The following FRMD4A variants were observed in gnomAD, a reference collection of about 807,000 sequenced individuals.
The protein encoded by FRMD4A is FERM domain-containing protein 4A.
Under a neutral mutation model 129.1 loss-of-function variants are expected in FRMD4A, and 29 were observed. The ratio of observed to expected loss-of-function variants is 0.22; its 90% CI spans 0.17 to 0.31. FRMD4A has a LOEUF of 0.31. Among genes scored for constraint, FRMD4A ranks in the 10% least tolerant of loss-of-function variants. The pLI is 1.00. For missense variants in FRMD4A, 1,272 were observed against 1,375.8 expected, an observed-to-expected ratio of 0.92 and a Z score of 1.19; for synonymous variants, 634 against 571.6, an observed-to-expected ratio of 1.11 and a Z score of -1.56.
chr10:14,076,058 C>T (rs1037107193), intron 2 of FRMD4A, among the ~76,000 whole-genome samples: 6 of 152,114 alleles, frequency 3.9e-5, no homozygotes, highest in African/African-American at 1.2e-4. Context: ...GTTTTATTTC[C>T]GCTGCTCACC....
intron 2 of FRMD4A, among the ~76,000 whole-genome samples, chr10:13,963,144 T>C (rs2095457306): frequency 6.6e-6 from 1 of 152,146 alleles, no homozygotes; most frequent in South Asian, 2.1e-4. Context: ...TGCAAACACA[T>C]CTTCCTTTAC....
chr10:14,006,144 G>T (rs1464889002), intron 2 of FRMD4A, among the ~76,000 whole-genome samples: 5 of 152,156 alleles, frequency 3.3e-5, no homozygotes, highest in Non-Finnish European at 2.9e-5. Context: ...AGTGTTAGAT[G>T]TCCAGTGGAA....
chr10:14,300,154 T>A (rs1284056055), intron 2 of FRMD4A, among the ~76,000 whole-genome samples: 1 of 152,080 alleles, frequency 6.6e-6, no homozygotes, highest in African/African-American at 2.4e-5. Flanking sequence ...GTGGAATGTA[T>A]TTCCTTAGCA....
intron 15 of FRMD4A, chr10:13,693,374 G>A (rs762056209): frequency 2.0e-5 from 7 of 346,616 alleles, no homozygotes; most frequent in South Asian, 4.3e-5. Context: ...AGCGGACGAC[G>A]GAACCAGATC....
intron 5 of FRMD4A, among the ~76,000 whole-genome samples, chr10:13,791,450 T>C (rs890325932): frequency 1.1e-5 from 1 of 89,294 alleles, no homozygotes; most frequent in African/African-American, 3.3e-5. Context: ...CGGGTGGGTG[T>C]GTGTGTGAGA....
At chr10:13,788,605 C>A (rs981346049) in intron 5 of FRMD4A, among the ~76,000 whole-genome samples, 2 of 152,136 alleles carry the variant, frequency 1.3e-5, no homozygotes, top group Admixed American at 6.6e-5. Context: ...AGGACTGAAT[C>A]TTAGGGCATC....
intron 2 of FRMD4A, chr10:13,972,110 G>A (rs1588634258): frequency 1.8e-6 from 2 of 1,089,106 alleles, no homozygotes; most frequent in East Asian, 6.4e-5. Flanking sequence ...GCAGATAACG[G>A]CACATCCCTG....
intron 2 of FRMD4A, among the ~76,000 whole-genome samples, chr10:14,181,901 G>A (rs1841926957): frequency 6.6e-6 from 1 of 152,154 alleles, no homozygotes; most frequent in African/African-American, 2.4e-5. Context: ...ATATTGACCA[G>A]GCTGGTCTTG....
At chr10:13,699,765 C>T (rs2086624469) in intron 14 of FRMD4A, among the ~76,000 whole-genome samples, 1 of 152,110 alleles carries the variant, frequency 6.6e-6, no homozygotes, top group African/African-American at 2.4e-5. Context: ...CCAACTGTTG[C>T]CCCTGGACAG....
chr10:13,691,601 C>A (rs917664221), intron 15 of FRMD4A, among the ~76,000 whole-genome samples: 6 of 152,146 alleles, frequency 3.9e-5, no homozygotes, highest in Admixed American at 3.9e-4. Flanking sequence ...GGTGTAAATT[C>A]TCAGGCTCTC....
intron 2 of FRMD4A, among the ~76,000 whole-genome samples, chr10:14,099,976 C>G (rs1345227853): frequency 1.3e-5 from 2 of 152,154 alleles, no homozygotes; most frequent in Non-Finnish European, 2.9e-5. Flanking sequence ...CCCTGTCTGT[C>G]TCTTTCCTCA....
At chr10:14,132,621 C>T (rs762398807) in intron 2 of FRMD4A, among the ~76,000 whole-genome samples, 1 of 152,208 alleles carries the variant, frequency 6.6e-6, no homozygotes, top group Non-Finnish European at 1.5e-5. Flanking sequence ...GGAGTATTCC[C>T]CACCACCTCC....
intron 2 of FRMD4A, among the ~76,000 whole-genome samples, chr10:14,162,643 T>TG (rs200022133): frequency 2.5e-4 from 21 of 82,490 alleles, no homozygotes; most frequent in African/African-American, 1.1e-3. Context: ...TTTTTTTTGT[T>TG]TTTTTTTTTT....
intron 3 of FRMD4A, among the ~76,000 whole-genome samples, chr10:13,818,068 A>ATT (rs1289828234): frequency 6.6e-6 from 1 of 152,232 alleles, no homozygotes; most frequent in Non-Finnish European, 1.5e-5. Context: ...TCTTAGACAA[A>ATT]TTACGCAAGC....
intron 2 of FRMD4A, among the ~76,000 whole-genome samples, chr10:14,313,117 C>T (rs886711665): frequency 4.6e-5 from 7 of 151,956 alleles, no homozygotes; most frequent in Admixed American, 1.3e-4. Context: ...TTTTGGGAGG[C>T]TGACATGGTA....
intron 2 of FRMD4A, among the ~76,000 whole-genome samples, chr10:13,859,854 A>G (rs2094269196): frequency 6.6e-6 from 1 of 152,212 alleles, no homozygotes; most frequent in African/African-American, 2.4e-5. Flanking sequence ...GAAATCTCTG[A>G]GTGGTATAAC....
chr10:14,229,056 C>A (rs1843546110), intron 2 of FRMD4A, among the ~76,000 whole-genome samples: 1 of 151,908 alleles, frequency 6.6e-6, no homozygotes, highest in Admixed American at 6.6e-5. Flanking sequence ...TCCCCTTCAG[C>A]AGTGCTAATG....
intron 2 of FRMD4A, among the ~76,000 whole-genome samples, chr10:14,009,883 C>CT (rs772481539): frequency 5.9e-5 from 9 of 152,156 alleles, no homozygotes; most frequent in Non-Finnish European, 1.2e-4. Flanking sequence ...GTTTACATCT[C>CT]TTTTTTCTCT....
chr10:14,167,506 C>T (rs1410556481), intron 2 of FRMD4A, among the ~76,000 whole-genome samples: 5 of 128,678 alleles, frequency 3.9e-5, no homozygotes, highest in African/African-American at 1.5e-4. Context: ...CACTGCATTC[C>T]AGCCTGGGTG....
Sources: gnomAD v4.1 joint callset for allele counts (sites outside exome capture counted in the v4.1 genomes callset) on GRCh38, gnomAD v4.1.1 for gene constraint, MANE v1.5 for transcripts, NCBI Gene and HGNC (gene_info 2026-07-23, HGNC 2026-07-21) for gene names.